Variants in CPLX2 observed in about 807,000 individuals in gnomAD.
CPLX2 encodes the protein complexin 2.
In CPLX2, 5 loss-of-function variants were observed where a neutral mutation model predicts 16.3. That is an observed-to-expected ratio of 0.31 (90% CI 0.16 to 0.64). The LOEUF (loss-of-function observed/expected upper bound fraction) is 0.64, where lower values mean the gene tolerates loss of function less well. CPLX2 is among the 30% of genes least tolerant of loss of function. CPLX2 has a pLI of 0.79. For missense variants in CPLX2, 144 were observed against 181.4 expected, an observed-to-expected ratio of 0.79 and a Z score of 1.18; for synonymous variants, 89 against 73.2, an observed-to-expected ratio of 1.22 and a Z score of -1.10.
chr5:175,879,018 C>T lies in CPLX2; in HGVS notation c.142C>T (p.Arg48Cys), dbSNP rs1755492299. ...GGCGCTGCGGCAGCAGGAGGAGGAGCGTAAGGCCAAGCACGCGCGCATGGA... is the reference window on the plus strand; with the variant it reads ...GGCGCTGCGGCAGCAGGAGGAGGAGTGTAAGGCCAAGCACGCGCGCATGGA... ...QEALRQQEEERKAKHARMEAE... is the reference protein window; with the variant it reads ...QEALRQQEEECKAKHARMEAE... Residue 48 changes from arginine to cysteine, a missense_variant, in exon 3 of 4, where the codon CGT becomes TGT. Coordinates refer to ENST00000393745, the MANE Select transcript of CPLX2 (RefSeq NM_001008220.2). 1 of 1,595,222 alleles carries T rather than the reference C, an allele frequency of 6.3e-7. No homozygotes were observed. Among genetic ancestry groups the T allele is most frequent in the Non-Finnish European group, 8.5e-7 (1 of 1,171,470 alleles).
intron 1 of CPLX2, among the ~76,000 whole-genome samples, chr5:175,802,582 A>T (rs1181450207): frequency 6.6e-6 from 1 of 152,192 alleles, no homozygotes; most frequent in Non-Finnish European, 1.5e-5. Context: ...GCAAATGGCA[A>T]AAGGCTCCGA....
In CPLX2 at chr5:175,809,829, A is replaced by G. The variant is rs1758280551; in HGVS notation, c.-89+761A>G. On this transcript the variant is annotated intron_variant, in intron 2 of 4. Transcript: ENST00000359546. The surrounding 1 kb of genome is among the most constrained non-coding windows in gnomAD (Gnocchi z 4.4). ...ATAAACAGTCTTGAGTTTCATACCA[A>G]ATAGTCTCTTAAGAGAAGGAACGTC... Among the ~76,000 whole-genome samples, 1 of 152,214 alleles carries G rather than the reference A, an allele frequency of 6.6e-6. No homozygotes were observed. Among genetic ancestry groups the G allele is most frequent in the Non-Finnish European group, 1.5e-5 (1 of 68,042 alleles).
Position 175,848,624 on chromosome 5 carries a change from G to C in CPLX2, c.-88-30028G>C, listed in dbSNP as rs985567521. Among the ~76,000 whole-genome samples, 4 of 152,218 alleles carry C rather than the reference G, an allele frequency of 2.6e-5. No individual in the cohort carries two copies. The South Asian group carries it at 6.2e-4, about 24-fold the overall frequency. On this transcript the variant is annotated intron_variant, in intron 2 of 4. Coordinates refer to the CPLX2 transcript ENST00000359546. ...CTACTCCTAGAGAAAAGTCATTCTAGTTGAGGAGATGCAATAAACACATTT... is the reference window on the plus strand; with the variant it reads ...CTACTCCTAGAGAAAAGTCATTCTACTTGAGGAGATGCAATAAACACATTT...
intron 2 of CPLX2, among the ~76,000 whole-genome samples, chr5:175,852,508 T>C (rs1309240384): frequency 6.6e-6 from 1 of 152,262 alleles, no homozygotes; most frequent in African/African-American, 2.4e-5. Flanking sequence ...TCTTGCTTTC[T>C]GTGCCAGGCA....
intron 2 of CPLX2, among the ~76,000 whole-genome samples, chr5:175,841,626 T>C (rs1200982742): frequency 6.6e-6 from 1 of 152,124 alleles, no homozygotes; most frequent in Non-Finnish European, 1.5e-5. Flanking sequence ...AGGATCAAGG[T>C]CCCTTACCAG....
intron 2 of CPLX2, among the ~76,000 whole-genome samples, chr5:175,852,202 C>T (rs1020331272): frequency 3.3e-5 from 5 of 152,292 alleles, no homozygotes; most frequent in South Asian, 2.1e-4. Context: ...CAGGTGGTTA[C>T]GAATAATAAA....
chr5:175,874,929 G>A (rs1759722300), intron 1 of CPLX2, among the ~76,000 whole-genome samples: 1 of 152,168 alleles, frequency 6.6e-6, no homozygotes, highest in African/African-American at 2.4e-5. Flanking sequence ...CAAGAGTGCT[G>A]TGTCATGGAA....
intron 2 of CPLX2, among the ~76,000 whole-genome samples, chr5:175,866,117 T>C (rs1029104227): frequency 2.6e-4 from 40 of 152,240 alleles, no homozygotes; most frequent in African/African-American, 9.4e-4. Flanking sequence ...GTCCTGAGGG[T>C]GGACAGACAC....
In CPLX2 at chr5:175,872,269, CAG is replaced by C. The variant is rs1436844966; in HGVS notation, c.-89+565_-89+566del. On this transcript the variant is annotated intron_variant, in intron 1 of 3. Coordinates refer to ENST00000393745, the MANE Select transcript of CPLX2 (RefSeq NM_001008220.2). The surrounding 1 kb of genome is among the most constrained non-coding windows in gnomAD (Gnocchi z 5.0). ...GAGGGGAGGAGAACGTAGACATTGA[CAG>C]GGGATGGGGGACCAAGGGGACTATT... 6.6e-6 allele frequency: 1 copy of C among 152,520 alleles called. No individual in the cohort carries two copies. The highest frequency in any genetic ancestry group is 2.4e-5 in the African/African-American group (1 of 41,448). The allele number at this position is 152,520 out of a possible 1,614,324, so 9.4% of individuals were successfully genotyped here.
At chr5:175,804,214 C>T (rs1325684895) in intron 1 of CPLX2, among the ~76,000 whole-genome samples, 1 of 152,174 alleles carries the variant, frequency 6.6e-6, no homozygotes, top group East Asian at 1.9e-4. Flanking sequence ...CTAATCTTGG[C>T]CCGAAGACAT....
At chr5:175,835,655 ATTAT>A (rs1758815121) in intron 2 of CPLX2, among the ~76,000 whole-genome samples, 1 of 151,292 alleles carries the variant, frequency 6.6e-6, no homozygotes, top group South Asian at 2.1e-4. Context: ...TTGAAATCAA[ATTAT>A]TTATTTAAGT....
intron 2 of CPLX2, among the ~76,000 whole-genome samples, chr5:175,834,901 A>T (rs1758799768): frequency 1.3e-5 from 2 of 152,144 alleles, no homozygotes; most frequent in Admixed American, 1.3e-4. Flanking sequence ...CAAAAAACAA[A>T]CAAACGAAAG....
intron 1 of CPLX2, among the ~76,000 whole-genome samples, chr5:175,804,073 TA>T (rs1157144093): frequency 1.3e-5 from 2 of 152,124 alleles, no homozygotes; most frequent in East Asian, 3.9e-4. Context: ...AATAACTTTT[TA>T]TGCAATTTTT....
At chr5:175,831,704 C>T (rs1035384907) in intron 2 of CPLX2, among the ~76,000 whole-genome samples, 3 of 152,192 alleles carry the variant, frequency 2.0e-5, no homozygotes, top group Admixed American at 1.3e-4. Flanking sequence ...AAGATACCCA[C>T]AGCTCAGCAG....
chr5:175,851,696 T>C (rs61127180), intron 2 of CPLX2, among the ~76,000 whole-genome samples: 5,596 of 152,318 alleles, frequency 0.037, 334 homozygotes, highest in African/African-American at 0.13. Context: ...GTAGGCTTCT[T>C]TGTGCCACTG....
At chr5:175,839,276 T>TTTTG (rs113982961) in intron 2 of CPLX2, among the ~76,000 whole-genome samples, 23,012 of 151,658 alleles carry the variant, frequency 0.15, 2,019 homozygotes, top group East Asian at 0.29. Context: ...TGTTTTTTTG[T>TTTTG]TTTGTTTGTT....
intron 2 of CPLX2, among the ~76,000 whole-genome samples, chr5:175,824,945 C>G (rs983550078): frequency 6.6e-6 from 1 of 152,130 alleles, no homozygotes; most frequent in African/African-American, 2.4e-5. Flanking sequence ...TTGCCACTCA[C>G]CAGTGTGTGA....
At chr5:175,816,234 C>T (rs1758405374) in intron 2 of CPLX2, among the ~76,000 whole-genome samples, 1 of 151,996 alleles carries the variant, frequency 6.6e-6, no homozygotes, top group Non-Finnish European at 1.5e-5. Flanking sequence ...GTGGTGCAAT[C>T]TCGGCTCACT....
intron 1 of CPLX2, among the ~76,000 whole-genome samples, chr5:175,805,154 T>TG (rs780964165): frequency 2.0e-4 from 30 of 152,320 alleles, no homozygotes; most frequent in Admixed American, 3.9e-4. Flanking sequence ...TGTGATGAAA[T>TG]GAAATCAATA....
Sources: allele counts gnomAD v4.1 joint callset (sites outside exome capture counted in the v4.1 genomes callset), GRCh38; gene constraint gnomAD v4.1.1; non-coding constraint Gnocchi (gnomAD v3.1); transcripts MANE v1.5; gene names NCBI Gene and HGNC (gene_info 2026-07-23, HGNC 2026-07-21).